MYT1: variants seen among roughly 807,000 people sequenced by gnomAD.
MYT1 encodes myelin transcription factor 1, also known as myelin transcription factor I.
Under a neutral mutation model 123.0 loss-of-function variants are expected in MYT1, and 23 were observed. The observed-to-expected ratio is 0.19, with a 90% CI of 0.13 to 0.26. The LOEUF (loss-of-function observed/expected upper bound fraction) is 0.26. Among genes scored for constraint, MYT1 ranks in the 10% least tolerant of loss-of-function variants. MYT1 has a pLI of 1.00. For synonymous variants in MYT1, 518 were observed against 575.3 expected (o/e 0.90, Z 1.43); for missense variants, 1,125 against 1,472.5 (o/e 0.76, Z 3.86).
intron 10 of MYT1, among the ~76,000 whole-genome samples, chr20:64,214,264 C>CG (rs1296542717): frequency 6.6e-6 from 1 of 151,422 alleles, no homozygotes; most frequent in Non-Finnish European, 1.5e-5. Context: ...TGCATATGTG[C>CG]GGGTATGTTT....
chr20:64,184,809 C>T (rs1023536773), intron 1 of MYT1, among the ~76,000 whole-genome samples: 3 of 152,098 alleles, frequency 2.0e-5, no homozygotes, highest in Non-Finnish European at 4.4e-5. Flanking sequence ...GAAAACCCCA[C>T]GTCACGTAAG....
At chr20:64,206,544 C>A (rs565945413) in intron 6 of MYT1, among the ~76,000 whole-genome samples, 1 of 152,100 alleles carries the variant, frequency 6.6e-6, no homozygotes, top group Non-Finnish European at 1.5e-5. Context: ...CCACTCCCCC[C>A]ACCATCCCCA....
chr20:64,211,432 CCAGGG>C, intron 8 of MYT1, 92 bp downstream of exon 8: 6 of 1,354,370 alleles, frequency 4.4e-6, no homozygotes, highest in African/African-American at 1.4e-5. Context: ...CGTGGCCTGC[CCAGGG>C]CCATAACCTT....
At chr20:64,210,663 G>T (rs1983640773) in intron 7 of MYT1, among the ~76,000 whole-genome samples, 1 of 152,358 alleles carries the variant, frequency 6.6e-6, no homozygotes, top group South Asian at 2.1e-4. Flanking sequence ...GGTCCTCCGT[G>T]TTCCTGCTGG....
rs555636851 is a variant in MYT1 at position 64,166,063 on chromosome 20, C to T, written c.-99+1324C>T. On this transcript the variant is annotated intron_variant, in intron 1 of 22. Coordinates refer to ENST00000328439, the MANE Select transcript of MYT1 (RefSeq NM_004535.3). This position sits in a 1 kb window ranked among gnomAD's most constrained non-coding sequence, Gnocchi z 4.9. Reference sequence around the variant, plus strand: ...AGGGCTGACTGAGGGAGGCTCCCCTCGGCCCCCAGCCTCCCTGCCACCCCG... The same window carrying T: ...AGGGCTGACTGAGGGAGGCTCCCCTTGGCCCCCAGCCTCCCTGCCACCCCG... 6.6e-6 allele frequency among the ~76,000 whole-genome samples: 1 copy of T among 152,262 alleles called. No homozygotes were observed. Among genetic ancestry groups the T allele is most frequent in the Admixed American group, 6.5e-5 (1 of 15,308 alleles).
intron 1 of MYT1, among the ~76,000 whole-genome samples, chr20:64,183,928 C>A (rs1321849070): frequency 1.3e-5 from 2 of 152,170 alleles, no homozygotes; most frequent in East Asian, 3.8e-4. Flanking sequence ...TCAAGTGATT[C>A]TCCTGCCTCA....
intron 16 of MYT1, among the ~76,000 whole-genome samples, chr20:64,226,937 G>A (rs1316978193): frequency 6.6e-6 from 1 of 152,240 alleles, no homozygotes; most frequent in Non-Finnish European, 1.5e-5. Context: ...GCTTTGTGAG[G>A]GCAAGCTCCC....
intron 18 of MYT1, among the ~76,000 whole-genome samples, chr20:64,229,216 C>T (rs771050099): frequency 1.3e-5 from 2 of 152,246 alleles, no homozygotes; most frequent in Non-Finnish European, 1.5e-5. Flanking sequence ...CTATGAAGGT[C>T]GCACACTAAA....
intron 3 of MYT1, 115 bp downstream of exon 3, chr20:64,199,031 C>A: frequency 1.9e-6 from 2 of 1,034,526 alleles, no homozygotes; most frequent in Non-Finnish European, 2.9e-6. Flanking sequence ...GGACCTCAGG[C>A]CTCTTCAGCC....
intron 1 of MYT1, among the ~76,000 whole-genome samples, chr20:64,187,179 G>A (rs1317481942): frequency 2.0e-4 from 29 of 145,292 alleles, no homozygotes; most frequent in African/African-American, 7.2e-4. Context: ...CCATGGCCCC[G>A]GCATCCACGT....
intron 18 of MYT1, 67 bp downstream of exon 18, chr20:64,228,038 T>TA (rs759770345): frequency 4.8e-6 from 7 of 1,451,074 alleles, no homozygotes; most frequent in Non-Finnish European, 6.7e-6. Context: ...TTTTATAATG[T>TA]AAAAAAACTC....
At chr20:64,235,929 CGCGGTGGGTG>C (rs1984521000) in intron 19 of MYT1, among the ~76,000 whole-genome samples, 1 of 117,976 alleles carries the variant, frequency 8.5e-6, no homozygotes, top group Admixed American at 8.6e-5. Context: ...CTGGGCTGGC[CGCGGTGGGTG>C]ACCCTGGGCT....
Position 64,185,096 on chromosome 20 carries a change from G to A in MYT1, c.-98-4967G>A, listed in dbSNP as rs1982761322. On this transcript the variant is annotated intron_variant, in intron 1 of 22. Transcript: ENST00000328439. This position sits in a 1 kb window ranked among gnomAD's most constrained non-coding sequence, Gnocchi z 4.5. ...TTATGAAGCAGGAGGAGATGGAGAG[G>A]GGGCTGGGCAGGGGCGTGAGGTCCA... 6.6e-6 allele frequency among the ~76,000 whole-genome samples: 1 copy of A among 152,208 alleles called. No homozygotes were observed. Among genetic ancestry groups the A allele is most frequent in the South Asian group, 2.1e-4 (1 of 4,826 alleles).
Position 64,208,399 on chromosome 20 carries a change from G to T in MYT1, c.1203G>T (p.Pro401=), listed in dbSNP as rs141506407. 2 of 1,613,448 alleles carry T rather than the reference G, an allele frequency of 1.2e-6. No homozygotes were observed. Among genetic ancestry groups the T allele is most frequent in the Non-Finnish European group, 1.7e-6 (2 of 1,179,984 alleles). Residue 401 remains proline, a synonymous_variant, in exon 7 of 23, where the codon CCG becomes CCT. Transcript: ENST00000328439. The surrounding 1 kb of genome is among the most constrained non-coding windows in gnomAD (Gnocchi z 5.4). ...QVRTVCEPGC[P]PAEQSQLGLG... The stretch of plus-strand genomic sequence containing the variant: ...GCACAGTCTGCGAGCCGGGCTGCCC[G>T]CCTGCCGAGCAGAGCCAGCTGGGCC...
In MYT1 at chr20:64,219,871, C is replaced by A; in HGVS notation, c.2130C>A (p.Pro710=). ...ASQRHSSTSA[P]SSSMTSPQSS... is the part of the protein sequence containing the mutation. Reference sequence around the variant, plus strand: ...AGCGCCACAGCAGCACCAGCGCCCCCAGCAGCTCCATGACCTCTCCCCAGT... The same window carrying A: ...AGCGCCACAGCAGCACCAGCGCCCCAAGCAGCTCCATGACCTCTCCCCAGT... The change falls in exon 13 of 23, where the codon CCC becomes CCA. Residue 710 remains proline, a synonymous_variant. Coordinates refer to ENST00000328439, the MANE Select transcript of MYT1 (RefSeq NM_004535.3). 6.3e-7 allele frequency: 1 copy of A among 1,594,758 alleles called. No homozygotes were observed. Among genetic ancestry groups the A allele is most frequent in the East Asian group, 2.3e-5 (1 of 43,982 alleles).
chr20:64,235,767 G>C (rs1443504196), intron 19 of MYT1, among the ~76,000 whole-genome samples: 1 of 127,752 alleles, frequency 7.8e-6, no homozygotes, highest in African/African-American at 3.6e-5. Flanking sequence ...TGGCTGTGGT[G>C]GGTGACCCTG....
intron 1 of MYT1, among the ~76,000 whole-genome samples, chr20:64,176,855 C>T (rs1356024023): frequency 2.0e-5 from 3 of 152,156 alleles, no homozygotes; most frequent in Non-Finnish European, 2.9e-5. Flanking sequence ...TGTTGGCAGC[C>T]GGGGATGACA....
chr20:64,217,021 C>G, intron 10 of MYT1, 46 bp from the exon 11 acceptor site: 1 of 1,568,772 alleles, frequency 6.4e-7, no homozygotes, highest in South Asian at 1.1e-5. Context: ...GCACGGGATC[C>G]CCAGGTCCCA....
rs758153057 is a variant in MYT1 at position 64,212,180 on chromosome 20, G to T, written c.1517+42G>T. ...GGGCCGTAGTGGGGGCCAGGGTGGGGGCCGTGGTGGGGGCCAGGGTGGGGG... is the reference window on the plus strand; with the variant it reads ...GGGCCGTAGTGGGGGCCAGGGTGGGTGCCGTGGTGGGGGCCAGGGTGGGGG... On this transcript the variant is annotated intron_variant, in intron 9 of 22. Transcript: ENST00000328439. The surrounding 1 kb of genome is among the most constrained non-coding windows in gnomAD (Gnocchi z 6.8). The T allele has an allele frequency of 5.6e-6, 5 of 885,096 alleles. No homozygotes were observed. The highest frequency in any genetic ancestry group is 8.2e-6 in the Non-Finnish European group (5 of 613,424). The allele number at this position is 885,096 out of a possible 1,614,324, so 54.8% of individuals were successfully genotyped here.
Sources: gnomAD v4.1 joint callset for allele counts (sites outside exome capture counted in the v4.1 genomes callset) on GRCh38, gnomAD v4.1.1 for gene constraint, Gnocchi (gnomAD v3.1) non-coding constraint, MANE v1.5 for transcripts, NCBI Gene and HGNC (gene_info 2026-07-23, HGNC 2026-07-21) for gene names.